Variants in WDFY2 observed in about 807,000 individuals in gnomAD.
WDFY2 encodes WD repeat and FYVE domain-containing protein 2.
A neutral mutation model predicts 56.4 loss-of-function variants in WDFY2; 36 were observed. The ratio of observed to expected loss-of-function variants is 0.64; its 90% confidence interval spans 0.49 to 0.84. The LOEUF (loss-of-function observed/expected upper bound fraction) is 0.84. Ranked by LOEUF, WDFY2 falls within the 40% of genes least tolerant of loss-of-function variation. The pLI, the probability that WDFY2 is intolerant of heterozygous loss-of-function variation, is 0.00. For synonymous variants in WDFY2, 176 were observed against 183.7 expected (o/e 0.96, Z 0.34); for missense variants, 444 against 512.2 (o/e 0.87, Z 1.29).
At chr13:51,626,779 C>T (rs190013531) in intron 1 of WDFY2, among the ~76,000 whole-genome samples, 12 of 152,322 alleles carry the variant, frequency 7.9e-5, no homozygotes, top group African/African-American at 2.6e-4. Flanking sequence ...GTAGAAGTCA[C>T]GGGATCCTTG....
chr13:51,713,904 C>G (rs1952284612), intron 4 of WDFY2, among the ~76,000 whole-genome samples: 1 of 146,326 alleles, frequency 6.8e-6, no homozygotes, highest in Non-Finnish European at 1.5e-5. Flanking sequence ...ATATGAGATA[C>G]TTATGGTAAT....
chr13:51,763,923 A>G lies in WDFY2; in HGVS notation c.*4154A>G, dbSNP rs987117575. The stretch of plus-strand genomic sequence containing the variant: ...GTTACTGGACATAAATATTCACTAA[A>G]TGAGATTCCTTTGGTTATGGCTGTT... On this transcript the variant is annotated 3_prime_UTR_variant, in exon 12 of 12. Coordinates refer to ENST00000298125, the MANE Select transcript of WDFY2 (RefSeq NM_052950.4). 6.6e-6 allele frequency: 1 copy of G among 152,216 alleles called. No individual in the cohort carries two copies. The highest frequency in any genetic ancestry group is 1.5e-5 in the Non-Finnish European group (1 of 68,044). 9.4% of individuals were successfully genotyped at this position (152,216 alleles called of 1,614,324 possible).
intron 1 of WDFY2, among the ~76,000 whole-genome samples, chr13:51,631,405 A>AC (rs2138380850): frequency 6.6e-6 from 1 of 151,974 alleles, no homozygotes; most frequent in Non-Finnish European, 1.5e-5. Flanking sequence ...AAAAAAAAAA[A>AC]AAAATTTAAA....
At chr13:51,723,459 C>T (rs1005263383) in intron 5 of WDFY2, among the ~76,000 whole-genome samples, 2 of 151,974 alleles carry the variant, frequency 1.3e-5, no homozygotes, top group African/African-American at 4.8e-5. Context: ...AGCAGTGCCC[C>T]CTTCACTTTT....
chr13:51,660,717 C>T, intron 2 of WDFY2, 54 bp downstream of exon 2: 3 of 1,519,328 alleles, frequency 2.0e-6, no homozygotes. Context: ...CCCAGATTGC[C>T]TTCTCTGTAT....
intron 3 of WDFY2, among the ~76,000 whole-genome samples, chr13:51,691,378 G>A (rs1224116068): frequency 6.6e-6 from 1 of 150,500 alleles, no homozygotes; most frequent in Non-Finnish European, 1.5e-5. Context: ...TTTGTATAAG[G>A]TGTAAGGAAG....
Position 51,703,643 on chromosome 13 carries a change from C to G in WDFY2, c.327C>G (p.Asn109Lys). 6.2e-7 allele frequency: 1 copy of G among 1,609,948 alleles called. No homozygotes were observed. The highest frequency in any genetic ancestry group is 1.1e-5 in the South Asian group (1 of 90,334). Residue 109 changes from asparagine to lysine, a missense_variant, in exon 4 of 12, where the codon AAC becomes AAG. Transcript: ENST00000298125. ...EDYNKMTPVK[N>K]YQAHQSRVTM... ...ATAACAAGATGACTCCTGTGAAAAACTATCAAGGTAGGGAGTGAGAGGAGT... is the reference window on the plus strand; with the variant it reads ...ATAACAAGATGACTCCTGTGAAAAAGTATCAAGGTAGGGAGTGAGAGGAGT...
intron 1 of WDFY2, among the ~76,000 whole-genome samples, chr13:51,643,155 G>T (rs984309112): frequency 2.0e-5 from 3 of 152,116 alleles, no homozygotes; most frequent in Non-Finnish European, 4.4e-5. Flanking sequence ...TATAGTCACA[G>T]TCTTGTGCAA....
chr13:51,712,216 A>G (rs183977883), intron 4 of WDFY2, among the ~76,000 whole-genome samples: 2 of 152,350 alleles, frequency 1.3e-5, no homozygotes, highest in African/African-American at 2.4e-5. Flanking sequence ...CAAGCACCGT[A>G]TCTTCTCACT....
At chr13:51,722,408 C>A (rs565547284) in intron 5 of WDFY2, among the ~76,000 whole-genome samples, 1 of 152,052 alleles carries the variant, frequency 6.6e-6, no homozygotes, top group African/African-American at 2.4e-5. Context: ...ACTTCAAATT[C>A]TTTGATTGTT....
At chr13:51,715,876 G>GACT (rs1292140919) in intron 4 of WDFY2, among the ~76,000 whole-genome samples, 5 of 152,088 alleles carry the variant, frequency 3.3e-5, no homozygotes, top group Non-Finnish European at 7.4e-5. Flanking sequence ...TTCCATCACT[G>GACT]ACTGAAGCAT....
chr13:51,719,422 T>C (rs1382874104), intron 5 of WDFY2, 74 bp downstream of exon 5: 2 of 1,485,980 alleles, frequency 1.3e-6, no homozygotes, highest in African/African-American at 2.8e-5. Context: ...AATTTTGGGG[T>C]ATGTGCAGCT....
intron 1 of WDFY2, among the ~76,000 whole-genome samples, chr13:51,617,863 A>G (rs1423600019): frequency 1.3e-5 from 2 of 152,220 alleles, no homozygotes; most frequent in Non-Finnish European, 2.9e-5. Flanking sequence ...ATTTTTCTTT[A>G]GCCATTGACT....
intron 3 of WDFY2, among the ~76,000 whole-genome samples, chr13:51,678,696 T>C (rs1376860981): frequency 6.6e-6 from 1 of 152,222 alleles, no homozygotes; most frequent in Non-Finnish European, 1.5e-5. Context: ...AAGATTATGC[T>C]CAATTCTAAC....
chr13:51,700,207 G>T (rs901368603), intron 3 of WDFY2, among the ~76,000 whole-genome samples: 1 of 152,204 alleles, frequency 6.6e-6, no homozygotes, highest in African/African-American at 2.4e-5. Context: ...GAGATTGAAG[G>T]TGAAGACAGT....
intron 6 of WDFY2, among the ~76,000 whole-genome samples, chr13:51,733,756 A>G (rs116328853): frequency 6.6e-6 from 1 of 152,284 alleles, no homozygotes; most frequent in African/African-American, 2.4e-5. Flanking sequence ...TGGTAACTGC[A>G]TGGAGTAGCA....
chr13:51,639,076 A>G (rs1240852077), intron 1 of WDFY2, among the ~76,000 whole-genome samples: 3 of 152,120 alleles, frequency 2.0e-5, no homozygotes, highest in African/African-American at 7.2e-5. Flanking sequence ...TATTGTCACA[A>G]AATCAAGGGA....
chr13:51,688,321 G>T (rs1956095265), intron 3 of WDFY2, among the ~76,000 whole-genome samples: 1 of 152,152 alleles, frequency 6.6e-6, no homozygotes, highest in South Asian at 2.1e-4. Context: ...TGGATTTTCT[G>T]AAGAGTGTAG....
intron 4 of WDFY2, 107 bp from the exon 5 acceptor site, chr13:51,719,091 A>G: frequency 6.7e-7 from 1 of 1,489,992 alleles, no homozygotes; most frequent in Non-Finnish European, 9.2e-7. Flanking sequence ...TCTGCTGTTC[A>G]GCTTATTCTG....
Sources: gnomAD v4.1 joint callset for allele counts (sites outside exome capture counted in the v4.1 genomes callset) on GRCh38, gnomAD v4.1.1 for gene constraint, MANE v1.5 for transcripts, NCBI Gene and HGNC (gene_info 2026-07-23, HGNC 2026-07-21) for gene names.